The following CTNNA2 variants were observed in gnomAD, a reference collection of about 807,000 sequenced individuals.
The protein encoded by CTNNA2 is catenin alpha 2, also known as catenin alpha-2.
Under a neutral mutation model 101.0 loss-of-function variants are expected in CTNNA2, and 42 were observed. The ratio of observed to expected loss-of-function variants is 0.42; its 90% CI spans 0.32 to 0.54. The LOEUF (loss-of-function observed/expected upper bound fraction) is 0.54. Among genes scored for constraint, CTNNA2 ranks in the 20% least tolerant of loss-of-function variants. CTNNA2 has a pLI of 0.14. For synonymous variants in CTNNA2, 450 were observed against 456.4 expected (o/e 0.99, Z 0.18); for missense variants, 871 against 1,223.1 (o/e 0.71, Z 4.29).
At chr2:79,882,525 A>G (rs10865445) in intron 6 of CTNNA2, among the ~76,000 whole-genome samples, 27,234 of 152,204 alleles carry the variant, frequency 0.18, 3,325 homozygotes, top group East Asian at 0.53. Flanking sequence ...GGCTATGGGG[A>G]ACAAGTCTTG....
intron 7 of CTNNA2, among the ~76,000 whole-genome samples, chr2:80,277,110 A>C (rs1673967526): frequency 6.6e-6 from 1 of 152,184 alleles, no homozygotes; most frequent in Admixed American, 6.5e-5. Context: ...TAAATTTAAG[A>C]TTATAGATTC....
At chr2:79,945,549 T>C (rs1382973226) in intron 7 of CTNNA2, among the ~76,000 whole-genome samples, 2 of 152,322 alleles carry the variant, frequency 1.3e-5, no homozygotes, top group South Asian at 2.1e-4. Flanking sequence ...TGTGCGTTCA[T>C]TGACCAATGT....
At chr2:79,382,403 T>C (rs961222331) in intron 4 of CTNNA2, among the ~76,000 whole-genome samples, 4 of 152,112 alleles carry the variant, frequency 2.6e-5, no homozygotes, top group Admixed American at 2.0e-4. Flanking sequence ...TGTCTGGGTA[T>C]GTGTGTGTAT....
intron 7 of CTNNA2, among the ~76,000 whole-genome samples, chr2:80,022,320 T>C (rs1182809633): frequency 1.3e-5 from 2 of 152,198 alleles, no homozygotes; most frequent in African/African-American, 4.8e-5. Flanking sequence ...GGGATTTTAT[T>C]GTCAGGTGAG....
chr2:79,683,208 G>C (rs971927094), intron 2 of CTNNA2, among the ~76,000 whole-genome samples: 2 of 152,144 alleles, frequency 1.3e-5, no homozygotes, highest in Non-Finnish European at 2.9e-5. Flanking sequence ...CAGGTAACTG[G>C]TACAAGAGGT....
At chr2:80,508,511 A>G (rs745569243) in intron 9 of CTNNA2, among the ~76,000 whole-genome samples, 12 of 152,014 alleles carry the variant, frequency 7.9e-5, no homozygotes, top group Admixed American at 2.6e-4. Context: ...TGTATCTTAA[A>G]GTTATTGTTG....
chr2:79,410,041 G>T (rs1196922984), intron 4 of CTNNA2, among the ~76,000 whole-genome samples: 1 of 149,392 alleles, frequency 6.7e-6, no homozygotes, highest in Admixed American at 6.7e-5. Context: ...GGATTCCTAG[G>T]TATTTTATTC....
rs914460995 is a variant in CTNNA2, at chr2:79,225,881, A to G, written c.-406+27805A>G. 3.3e-5 allele frequency among the ~76,000 whole-genome samples: 5 copies of G among 152,206 alleles called. No homozygotes were observed. In the South Asian group the frequency reaches 1.0e-3, roughly 31 times the overall value. ...CTTTTATATGGAATGTAACAACACCATTAGATCTCATGATGACATTTGTTG... is the reference window on the plus strand; with the variant it reads ...CTTTTATATGGAATGTAACAACACCGTTAGATCTCATGATGACATTTGTTG... On this transcript the variant is annotated intron_variant, in intron 2 of 21. Coordinates refer to the CTNNA2 transcript ENST00000466387.
chr2:80,521,488 A>C lies in CTNNA2; in HGVS notation c.1291-23494A>C, dbSNP rs115769919. On this transcript the variant is annotated intron_variant, in intron 9 of 18. Transcript: ENST00000402739. Reference sequence around the variant, plus strand: ...TTGCAAATGGAATTAAGATTTACTAATCAGCTGAATTTAAGGTCAGGACAT... The same window carrying C: ...TTGCAAATGGAATTAAGATTTACTACTCAGCTGAATTTAAGGTCAGGACAT... Among the ~76,000 whole-genome samples, 676 of 152,292 alleles carry C rather than the reference A, an allele frequency of 4.4e-3. 5 individuals are homozygous for C. Among genetic ancestry groups the C allele is most frequent in the African/African-American group, 0.014 (589 of 41,552 alleles).
intron 3 of CTNNA2, among the ~76,000 whole-genome samples, chr2:79,369,362 C>T (rs1457258851): frequency 6.6e-6 from 1 of 152,194 alleles, no homozygotes; most frequent in Non-Finnish European, 1.5e-5. Context: ...AGCCCCCGAG[C>T]ACTGCCAGCT....
chr2:79,717,516 A>G (rs1277750425), intron 2 of CTNNA2, among the ~76,000 whole-genome samples: 2 of 152,156 alleles, frequency 1.3e-5, no homozygotes, highest in African/African-American at 2.4e-5. Flanking sequence ...GCAGCGGCCA[A>G]GAGAAGCCAC....
At chr2:80,033,595 A>G (rs1483106144) in intron 7 of CTNNA2, among the ~76,000 whole-genome samples, 3 of 152,200 alleles carry the variant, frequency 2.0e-5, no homozygotes, top group Non-Finnish European at 2.9e-5. Context: ...ACAAAAACAA[A>G]AAACACTCAC....
chr2:80,474,669 G>A (rs868769869), intron 9 of CTNNA2, among the ~76,000 whole-genome samples: 7 of 152,136 alleles, frequency 4.6e-5, no homozygotes, highest in African/African-American at 1.2e-4. Context: ...GCCTTCCTCG[G>A]TGCTTTTTAT....
intron 7 of CTNNA2, among the ~76,000 whole-genome samples, chr2:80,041,289 C>T (rs575268809): frequency 4.0e-5 from 6 of 148,940 alleles, no homozygotes; most frequent in East Asian, 3.9e-4. Context: ...TTTTACTTAT[C>T]GGCTACATGG....
chr2:79,972,598 C>T (rs1690560899), intron 7 of CTNNA2, among the ~76,000 whole-genome samples: 1 of 152,086 alleles, frequency 6.6e-6, no homozygotes, highest in Non-Finnish European at 1.5e-5. Flanking sequence ...ATTAGATATG[C>T]TGGAGTTAGG....
chr2:79,416,514 A>G (rs1678484478), intron 4 of CTNNA2, among the ~76,000 whole-genome samples: 3 of 152,060 alleles, frequency 2.0e-5, no homozygotes, highest in South Asian at 2.1e-4. Context: ...ATTTAATTTA[A>G]TAAAGCATTG....
chr2:80,303,695 A>G lies in CTNNA2; in HGVS notation c.1057-89516A>G. On this transcript the variant is annotated intron_variant, in intron 7 of 18. Coordinates refer to ENST00000402739, the MANE Select transcript of CTNNA2 (RefSeq NM_001282597.3). The surrounding 1 kb of genome is among the most constrained non-coding windows in gnomAD (Gnocchi z 7.7). The stretch of plus-strand genomic sequence containing the variant: ...CAGCAGCCGCCCCTCGCACCGGCAC[A>G]GCTGCGGGCACCCGCTGGGGGCGGC... 4.3e-6 allele frequency: 7 copies of G among 1,610,050 alleles called. No homozygotes were observed. The highest frequency in any genetic ancestry group is 5.9e-6 in the Non-Finnish European group (7 of 1,177,808).
intron 5 of CTNNA2, among the ~76,000 whole-genome samples, chr2:79,505,812 C>T (rs1415049219): frequency 6.6e-6 from 1 of 152,188 alleles, no homozygotes; most frequent in Non-Finnish European, 1.5e-5. Context: ...TTGCATTTAT[C>T]TCGAGTTGTC....
chr2:79,571,290 C>A (rs1161816327), intron 1 of CTNNA2, among the ~76,000 whole-genome samples: 1 of 152,032 alleles, frequency 6.6e-6, no homozygotes, highest in Non-Finnish European at 1.5e-5. Flanking sequence ...GTACTTGGCT[C>A]CCCACCATCC....
Sources: gnomAD v4.1 joint callset for allele counts (sites outside exome capture counted in the v4.1 genomes callset) on GRCh38, gnomAD v4.1.1 for gene constraint, Gnocchi (gnomAD v3.1) non-coding constraint, MANE v1.5 for transcripts, NCBI Gene and HGNC (gene_info 2026-07-23, HGNC 2026-07-21) for gene names.